Variants in TRPM3 observed in about 807,000 individuals in gnomAD.
TRPM3 encodes transient receptor potential cation channel subfamily M member 3, also known as long transient receptor potential channel 3.
A neutral mutation model predicts 181.2 loss-of-function variants in TRPM3; 77 were observed. The ratio of observed to expected loss-of-function variants is 0.42; its 90% CI spans 0.35 to 0.51. TRPM3 has a LOEUF of 0.51. Among genes scored for constraint, TRPM3 ranks in the 20% least tolerant of loss-of-function variants. TRPM3 has a pLI of 0.01. For missense variants in TRPM3, 1,759 were observed against 2,196.7 expected (o/e 0.80, Z 3.98); for synonymous variants, 745 against 796.4 (o/e 0.94, Z 1.09).
chr9:71,067,190 A>C (rs1349252781), intron 1 of TRPM3, among the ~76,000 whole-genome samples: 1 of 152,030 alleles, frequency 6.6e-6, no homozygotes, highest in Non-Finnish European at 1.5e-5. Context: ...ATTAACTTCT[A>C]GGTTCCTTAC....
intron 1 of TRPM3, among the ~76,000 whole-genome samples, chr9:71,073,077 T>G (rs2062987341): frequency 6.6e-6 from 1 of 152,196 alleles, no homozygotes; most frequent in African/African-American, 2.4e-5. Context: ...CATTCCCCTT[T>G]GTTCAGTCTC....
chr9:70,979,261 C>T (rs139317064), intron 1 of TRPM3, among the ~76,000 whole-genome samples: 40 of 152,230 alleles, frequency 2.6e-4, no homozygotes, highest in African/African-American at 7.7e-4. Context: ...AGACATGGGG[C>T]GCGGAGATTT....
At chr9:70,636,318 C>T (rs575027510) in intron 11 of TRPM3, among the ~76,000 whole-genome samples, 1 of 151,914 alleles carries the variant, frequency 6.6e-6, no homozygotes, top group African/African-American at 2.4e-5. Context: ...GCTTGCAGCC[C>T]ATACAGAAAC....
intron 1 of TRPM3, among the ~76,000 whole-genome samples, chr9:71,436,298 C>CTTTTTTTTTT (rs71352382): frequency 1.3e-5 from 1 of 77,288 alleles, no homozygotes; most frequent in Non-Finnish European, 2.6e-5. Flanking sequence ...TTTTTTCTTT[C>CTTTTTTTTTT]TTTTTTTTTT....
intron 6 of TRPM3, among the ~76,000 whole-genome samples, chr9:70,822,253 T>C (rs2131599600): frequency 6.6e-6 from 1 of 152,324 alleles, no homozygotes; most frequent in African/African-American, 2.4e-5. Flanking sequence ...TTGTACAAAT[T>C]CCCTAGAGAC....
chr9:71,134,297 G>T lies in TRPM3; in HGVS notation c.184-269786C>A, dbSNP rs151246071. On this transcript the variant is annotated intron_variant, in intron 1 of 24. Transcript: ENST00000357533. ...AAAGATTTTTCAGCCAGGCACAGTG[G>T]CTCACGCCTGTAATCCCAGCACTTT... Among the ~76,000 whole-genome samples, 903 of 152,066 alleles carry T rather than the reference G, an allele frequency of 5.9e-3. 11 individuals are homozygous for T. The highest frequency in any genetic ancestry group is 0.021 in the African/African-American group (857 of 41,508).
intron 1 of TRPM3, among the ~76,000 whole-genome samples, chr9:71,300,979 C>G (rs978274607): frequency 6.6e-6 from 1 of 152,118 alleles, no homozygotes; most frequent in African/African-American, 2.4e-5. Flanking sequence ...CTAATATGTG[C>G]TAGATTCCAT....
intron 3 of TRPM3, among the ~76,000 whole-genome samples, chr9:70,853,223 G>C (rs1453709208): frequency 6.6e-6 from 1 of 152,190 alleles, no homozygotes; most frequent in Admixed American, 6.5e-5. Flanking sequence ...TGAGTGACTG[G>C]AATATCAGAG....
rs761379173 is a variant in TRPM3, at chr9:71,133,292, C to CTTTTTTTTTTTTTTTTTTTT, written c.184-268782_184-268781insAAAAAAAAAAAAAAAAAAAA. 2.2e-4 allele frequency among the ~76,000 whole-genome samples: 16 copies of CTTTTTTTTTTTTTTTTTTTT among 72,330 alleles called. 1 individual carries two copies. The highest frequency in any genetic ancestry group is 2.5e-4 in the Non-Finnish European group (10 of 40,206). 47.5% of individuals were successfully genotyped at this position (72,330 alleles called of 152,430 possible). A position where few individuals can be genotyped will look rare whatever the true frequency, so the allele number is the denominator to read the frequency against. ...CATTTGTAATTCTTCTAGCAAATTG[C>CTTTTTTTTTTTTTTTTTTTT]TTTTTTTTTTTTTTTTTTTGAGACA... On this transcript the variant is annotated intron_variant, in intron 1 of 24. Coordinates refer to the TRPM3 transcript ENST00000357533.
At chr9:71,081,365 C>G (rs74860969) in intron 1 of TRPM3, among the ~76,000 whole-genome samples, 1 of 152,150 alleles carries the variant, frequency 6.6e-6, no homozygotes, top group Non-Finnish European at 1.5e-5. Context: ...CTTGTGCAAG[C>G]TGACCTCAGT....
chr9:70,536,830 G>C lies in TRPM3; in HGVS notation c.4283C>G (p.Pro1428Arg). 1 of 1,614,146 alleles carries C rather than the reference G, an allele frequency of 6.2e-7. No homozygotes were observed. Among genetic ancestry groups the C allele is most frequent in the African/African-American group, 1.3e-5 (1 of 75,028 alleles). Residue 1428 changes from proline to arginine, a missense_variant, in exon 26 of 26, where the codon CCT (proline) becomes CGT (arginine). Transcript: ENST00000677713. ...AAGGATGTTCACGGAATTGTCCAGA[G>C]GGTCTATATCACAGTGGAGCTCATC... ...AMDELHCDIDPLDNSVNILGL... is the reference protein window; with the variant it reads ...AMDELHCDIDRLDNSVNILGL...
chr9:70,978,700 A>C (rs2097332181), intron 1 of TRPM3, among the ~76,000 whole-genome samples: 1 of 152,202 alleles, frequency 6.6e-6, no homozygotes, highest in African/African-American at 2.4e-5. Flanking sequence ...CATAATTTAA[A>C]TTGTTTCATA....
intron 1 of TRPM3, chr9:70,916,990 G>A: frequency 6.6e-7 from 1 of 1,524,484 alleles, no homozygotes; most frequent in Admixed American, 1.7e-5. Context: ...ATTGCCTGGA[G>A]GAGTTAGAAG....
intron 9 of TRPM3, among the ~76,000 whole-genome samples, chr9:70,665,936 A>G (rs1198183766): frequency 6.6e-6 from 1 of 152,182 alleles, no homozygotes; most frequent in Non-Finnish European, 1.5e-5. Flanking sequence ...CATTTTTACT[A>G]AAGTTATACA....
intron 1 of TRPM3, among the ~76,000 whole-genome samples, chr9:70,922,365 A>G (rs1285330504): frequency 6.6e-6 from 1 of 152,208 alleles, no homozygotes; most frequent in East Asian, 1.9e-4. Context: ...ACCATCAAAT[A>G]TGCCAGGCCT....
intron 1 of TRPM3, among the ~76,000 whole-genome samples, chr9:71,017,753 A>G (rs907256478): frequency 3.3e-5 from 5 of 151,876 alleles, no homozygotes; most frequent in Admixed American, 1.3e-4. Context: ...ATCAAAATAC[A>G]TAACACACCT....
chr9:70,649,216 T>C (rs2059304423), intron 9 of TRPM3, among the ~76,000 whole-genome samples: 1 of 141,888 alleles, frequency 7.0e-6, no homozygotes, highest in Non-Finnish European at 1.5e-5. Context: ...TGAGATGGAG[T>C]CTCACTCTGT....
At chr9:71,251,062 G>A (rs1212041428) in intron 1 of TRPM3, among the ~76,000 whole-genome samples, 1 of 152,086 alleles carries the variant, frequency 6.6e-6, no homozygotes, top group Non-Finnish European at 1.5e-5. Flanking sequence ...ATGGATGGAT[G>A]GGAAGATAAG....
chr9:71,194,515 G>C (rs532215588), intron 1 of TRPM3, among the ~76,000 whole-genome samples: 1 of 151,980 alleles, frequency 6.6e-6, no homozygotes, highest in Admixed American at 6.6e-5. Context: ...CCCAAAGTGA[G>C]CTTGGGCATC....
Sources: gnomAD v4.1 joint callset for allele counts (sites outside exome capture counted in the v4.1 genomes callset) on GRCh38, gnomAD v4.1.1 for gene constraint, MANE v1.5 for transcripts, NCBI Gene and HGNC (gene_info 2026-07-23, HGNC 2026-07-21) for gene names.